Variants in DAGLA observed in about 807,000 individuals in gnomAD.
The protein encoded by DAGLA is diacylglycerol lipase alpha.
DAGLA carries 22 observed loss-of-function variants against 102.6 expected under a neutral mutation model. That is an observed-to-expected ratio of 0.21 (90% CI 0.15 to 0.31). The LOEUF (loss-of-function observed/expected upper bound fraction) is 0.31, where lower values mean the gene tolerates loss of function less well. DAGLA is among the 10% of genes least tolerant of loss of function. DAGLA has a pLI of 1.00. For synonymous variants in DAGLA, 578 were observed against 628.9 expected (o/e 0.92, Z 1.21); for missense variants, 927 against 1,446.6 (o/e 0.64, Z 5.83).
intron 3 of DAGLA, 69 bp downstream of exon 3, chr11:61,720,959 T>C: frequency 6.9e-7 from 1 of 1,459,230 alleles, no homozygotes; most frequent in Non-Finnish European, 9.4e-7. Flanking sequence ...AGCCAGTATT[T>C]ACTGCGCACA....
At chr11:61,695,692 T>C (rs2065059334) in intron 1 of DAGLA, among the ~76,000 whole-genome samples, 1 of 152,236 alleles carries the variant, frequency 6.6e-6, no homozygotes, top group Admixed American at 6.5e-5. Flanking sequence ...TTGCTCCTCC[T>C]CTCTCTCTTT....
chr11:61,740,565 C>A lies in DAGLA; in HGVS notation c.1956C>A (p.Pro652=). The change falls in exon 18 of 20, where the codon CCC becomes CCA. Residue 652 remains proline (P), a synonymous_variant. Coordinates refer to ENST00000257215, the MANE Select transcript of DAGLA (RefSeq NM_006133.3). ...CAGCCATGCTGCATGAGCACCTGCC[C>A]TATGTGGTCATGGAGGGGCTCAACA... is the stretch of plus-strand genomic sequence containing the variant. The part of the protein sequence containing the change: ...ISPAMLHEHL[P]YVVMEGLNKV... 1 of 1,613,798 alleles carries A rather than the reference C, an allele frequency of 6.2e-7. No individual in the cohort carries two copies. Among genetic ancestry groups the A allele is most frequent in the African/African-American group, 1.3e-5 (1 of 75,060 alleles).
In DAGLA at chr11:61,715,887, T is replaced by G. The variant is rs536443683; in HGVS notation, c.-44-4225T>G. On this transcript the variant is annotated intron_variant, in intron 1 of 19. Coordinates refer to ENST00000257215, the MANE Select transcript of DAGLA (RefSeq NM_006133.3). ...ACCACAGCCTTGAGAGGGATGTTGTTAGCCCCATTTTACAAGAGAAGAAAC... is the reference window on the plus strand; with the variant it reads ...ACCACAGCCTTGAGAGGGATGTTGTGAGCCCCATTTTACAAGAGAAGAAAC... 7.9e-5 allele frequency among the ~76,000 whole-genome samples: 12 copies of G among 152,330 alleles called. No homozygotes were observed. In the East Asian group the frequency reaches 2.3e-3, roughly 29 times the overall value.
At chr11:61,691,634 A>G (rs1179975320) in intron 1 of DAGLA, among the ~76,000 whole-genome samples, 1 of 152,150 alleles carries the variant, frequency 6.6e-6, no homozygotes, top group East Asian at 1.9e-4. Context: ...AGGCTCCACC[A>G]TGCTCCAGGG....
At chr11:61,728,009 TG>T in intron 6 of DAGLA, 143 bp from the exon 7 acceptor site, 1 of 895,756 alleles carries the variant, frequency 1.1e-6, no homozygotes, top group Non-Finnish European at 1.7e-6. Flanking sequence ...GTGGGCGCTG[TG>T]GAGGTGCTGG....
chr11:61,694,121 G>A (rs531712481), intron 1 of DAGLA, among the ~76,000 whole-genome samples: 1 of 152,368 alleles, frequency 6.6e-6, no homozygotes, highest in East Asian at 1.9e-4. Flanking sequence ...TGTGACCTTG[G>A]CACGTCAGCA....
At chr11:61,707,889 T>TG (rs1476292489) in intron 1 of DAGLA, among the ~76,000 whole-genome samples, 7 of 151,792 alleles carry the variant, frequency 4.6e-5, no homozygotes, top group Admixed American at 1.3e-4. Flanking sequence ...GGGGTAGGGG[T>TG]GTGGTTGGTG....
At position 61,723,582 on chromosome 11, in the gene DAGLA, C is replaced by T. The variant is rs777405521; in HGVS notation, c.548+10C>T. 2.2e-5 allele frequency: 35 copies of T among 1,610,848 alleles called. No homozygotes were observed. Among genetic ancestry groups the T allele is most frequent in the African/African-American group, 5.3e-5 (4 of 74,836 alleles). ...GGACCTACAACCTGCGGTCAGTCAG[C>T]GGGCTGGGTGGGCAGTCCCAGGGTG... On this transcript the variant is annotated intron_variant, in intron 5 of 19. Coordinates refer to ENST00000257215, the MANE Select transcript of DAGLA (RefSeq NM_006133.3).
At chr11:61,705,210 C>T (rs1214640653) in intron 1 of DAGLA, among the ~76,000 whole-genome samples, 2 of 152,212 alleles carry the variant, frequency 1.3e-5, no homozygotes, top group East Asian at 1.9e-4. Flanking sequence ...CAGCTGGGGT[C>T]GTCTTTGACA....
At position 61,735,587 on chromosome 11, in the gene DAGLA, G is replaced by A. The variant is rs745700713; in HGVS notation, c.1155G>A (p.Ala385=). Residue 385 remains alanine (A), a synonymous_variant, in exon 11 of 20, where the codon GCG becomes GCA. Transcript: ENST00000257215. ...DAVYETPFYV[A]VDHDKKKVVI... is the part of the protein sequence containing the mutation. ...TCTATGAAACGCCCTTCTACGTGGC[G>A]GTGGACCATGACAAGAAGAAAGTGG... 18 of 1,613,912 alleles carry A rather than the reference G, an allele frequency of 1.1e-5. No individual in the cohort carries two copies. Among genetic ancestry groups the A allele is most frequent in the South Asian group, 2.2e-5 (2 of 91,084 alleles).
chr11:61,722,766 G>A, intron 3 of DAGLA, 93 bp from the exon 4 acceptor site: 2 of 1,076,068 alleles, frequency 1.9e-6, no homozygotes, highest in Admixed American at 3.5e-5. Flanking sequence ...CTGGCTGAAA[G>A]CCCAGCGATA....
At chr11:61,689,935 G>A (rs2065011332) in intron 1 of DAGLA, among the ~76,000 whole-genome samples, 1 of 152,140 alleles carries the variant, frequency 6.6e-6, no homozygotes, top group Non-Finnish European at 1.5e-5. Context: ...CCTTTCAGCT[G>A]CCCTCCTAAG....
chr11:61,700,552 C>A (rs2065101481), intron 1 of DAGLA, among the ~76,000 whole-genome samples: 1 of 152,232 alleles, frequency 6.6e-6, no homozygotes, highest in South Asian at 2.1e-4. Flanking sequence ...CTCCTTGAGC[C>A]TGTGATCGTG....
At chr11:61,699,745 T>C (rs2065094311) in intron 1 of DAGLA, among the ~76,000 whole-genome samples, 2 of 152,218 alleles carry the variant, frequency 1.3e-5, no homozygotes, top group South Asian at 4.1e-4. Context: ...CCAAATACTG[T>C]AGGCAGAGTG....
intron 1 of DAGLA, among the ~76,000 whole-genome samples, chr11:61,702,560 T>G: frequency 6.6e-6 from 1 of 152,242 alleles, no homozygotes; most frequent in Non-Finnish European, 1.5e-5. Context: ...ATGAAGACAC[T>G]GAGTCTCTTA....
chr11:61,737,647 GC>G, intron 14 of DAGLA, 39 bp from the exon 15 acceptor site: 2 of 1,581,292 alleles, frequency 1.3e-6, no homozygotes, highest in East Asian at 2.2e-5. Flanking sequence ...CCACCACCCC[GC>G]CCCCTTGGCC....
chr11:61,746,165 G>A lies in DAGLA; in HGVS notation c.*1676G>A, dbSNP rs934475092. ...CTCCCCACACAGCTGGGACTGGCCTGGATGGCTGTCCTGGGAGCCCCTGCC... is the reference window on the plus strand; with the variant it reads ...CTCCCCACACAGCTGGGACTGGCCTAGATGGCTGTCCTGGGAGCCCCTGCC... On this transcript the variant is annotated 3_prime_UTR_variant, in exon 20 of 20. Transcript: ENST00000257215. The A allele has an allele frequency of 6.6e-6, 1 of 150,952 alleles. No homozygotes were observed. Among genetic ancestry groups the A allele is most frequent in the Non-Finnish European group, 1.5e-5 (1 of 67,714 alleles). 9.4% of individuals were successfully genotyped at this position (150,952 alleles called of 1,614,324 possible). A position where few individuals can be genotyped will look rare whatever the true frequency, so the allele number is the denominator to read the frequency against.
In DAGLA at chr11:61,728,096, C is replaced by T. The variant is rs1351263528; in HGVS notation, c.637-57C>T. 7 of 1,600,860 alleles carry T rather than the reference C, an allele frequency of 4.4e-6. No homozygotes were observed. In the African/African-American group the frequency reaches 8.0e-5, roughly 18 times the overall value. On this transcript the variant is annotated intron_variant, in intron 6 of 19. Transcript: ENST00000257215. ...CAGCCCTGGGGGATTTACTCCTGGC[C>T]TCTCGTCCTCTCTCCTGCTCCCCTG...
At chr11:61,698,749 A>AGGAC in intron 1 of DAGLA, among the ~76,000 whole-genome samples, 1 of 152,322 alleles carries the variant, frequency 6.6e-6, no homozygotes, top group East Asian at 1.9e-4. Context: ...CTGGGTGCCA[A>AGGAC]GGACACAGAG....
Sources: gnomAD v4.1 joint callset for allele counts (sites outside exome capture counted in the v4.1 genomes callset) on GRCh38, gnomAD v4.1.1 for gene constraint, MANE v1.5 for transcripts, NCBI Gene and HGNC (gene_info 2026-07-23, HGNC 2026-07-21) for gene names.